SGCZ: variants seen among roughly 807,000 people sequenced by gnomAD.
SGCZ encodes the protein sarcoglycan zeta, also known as zeta-sarcoglycan.
SGCZ carries 40 observed loss-of-function variants against 41.3 expected under a neutral mutation model. The observed-to-expected ratio is 0.97, with a 90% CI of 0.75 to 1.26. SGCZ has a LOEUF of 1.26. SGCZ is among the 50% of genes most tolerant of loss of function. The probability of loss-of-function intolerance (pLI) is 0.00; values close to 1 mark genes in which losing one functional copy is unlikely to be tolerated. For synonymous variants in SGCZ, 206 were observed against 137.5 expected, an observed-to-expected ratio of 1.50 and a Z score of -3.49; for missense variants, 552 against 369.8, an observed-to-expected ratio of 1.49 and a Z score of -4.04.
At chr8:14,969,393 G>C (rs568811902) in intron 1 of SGCZ, among the ~76,000 whole-genome samples, 1 of 151,986 alleles carries the variant, frequency 6.6e-6, no homozygotes. Context: ...TAAACAAACA[G>C]CACATATTTA....
At position 14,088,874 on chromosome 8, in the gene SGCZ, G is replaced by A. The variant is rs1801604571; in HGVS notation, c.*1569C>T. Among the ~76,000 whole-genome samples the A allele has an allele frequency of 6.6e-6, 1 of 151,874 alleles. No homozygotes were observed. Among genetic ancestry groups the A allele is most frequent in the Non-Finnish European group, 1.5e-5 (1 of 67,918 alleles). ...CTAATCTCCCAGTTCACTCTGAGCT[G>A]TAGACACCTGAACTCCAAAGACTCT... On this transcript the variant is annotated 3_prime_UTR_variant, in exon 8 of 8. Coordinates refer to ENST00000382080, the MANE Select transcript of SGCZ (RefSeq NM_139167.4).
intron 1 of SGCZ, among the ~76,000 whole-genome samples, chr8:14,886,075 A>T (rs74551863): frequency 0.21 from 29,303 of 138,774 alleles, 3,927 homozygotes; most frequent in East Asian, 0.42. Flanking sequence ...GTAATAGCAC[A>T]TTAATTTCTG....
intron 1 of SGCZ, among the ~76,000 whole-genome samples, chr8:14,918,339 A>T (rs538897700): frequency 6.6e-6 from 1 of 151,078 alleles, no homozygotes; most frequent in Non-Finnish European, 1.5e-5. Context: ...ATTTAAGAAC[A>T]TTTTCTTCTT....
chr8:14,192,065 C>A (rs1256151096), intron 4 of SGCZ, among the ~76,000 whole-genome samples: 1 of 152,002 alleles, frequency 6.6e-6, no homozygotes, highest in Non-Finnish European at 1.5e-5. Flanking sequence ...AGAAAAATGT[C>A]ATTTAATCAA....
intron 2 of SGCZ, among the ~76,000 whole-genome samples, chr8:14,552,353 C>T (rs1288437408): frequency 6.6e-6 from 1 of 152,004 alleles, no homozygotes; most frequent in Non-Finnish European, 1.5e-5. Context: ...GAGTGTGTTA[C>T]CTTACAAAGA....
intron 2 of SGCZ, among the ~76,000 whole-genome samples, chr8:14,468,580 T>C (rs1585556030): frequency 6.6e-6 from 1 of 152,086 alleles, no homozygotes; most frequent in East Asian, 1.9e-4. Flanking sequence ...GTGCAGCAAA[T>C]AATTGACTTA....
At chr8:14,846,123 A>C (rs1428066295) in intron 1 of SGCZ, among the ~76,000 whole-genome samples, 1 of 152,180 alleles carries the variant, frequency 6.6e-6, no homozygotes, top group East Asian at 1.9e-4. Flanking sequence ...TTTATTGAAC[A>C]AAAATACAGT....
intron 3 of SGCZ, among the ~76,000 whole-genome samples, chr8:14,297,736 T>G (rs1391781276): frequency 6.6e-6 from 1 of 152,086 alleles, no homozygotes; most frequent in Non-Finnish European, 1.5e-5. Context: ...CTGATCCATT[T>G]AAACGGCTAT....
At chr8:14,303,049 C>T (rs1801247184) in intron 3 of SGCZ, among the ~76,000 whole-genome samples, 1 of 152,136 alleles carries the variant, frequency 6.6e-6, no homozygotes, top group Non-Finnish European at 1.5e-5. Context: ...TCTTACAAGA[C>T]CCAGGTCTAA....
intron 1 of SGCZ, among the ~76,000 whole-genome samples, chr8:14,793,913 C>A (rs1801040095): frequency 6.6e-6 from 1 of 152,090 alleles, no homozygotes; most frequent in Admixed American, 6.5e-5. Flanking sequence ...ATGCAAAATT[C>A]TAAAACTCTC....
At chr8:14,687,742 T>C (rs28883059) in intron 1 of SGCZ, among the ~76,000 whole-genome samples, 4,670 of 151,698 alleles carry the variant, frequency 0.031, 201 homozygotes, top group African/African-American at 0.093. Context: ...ATGGTATTTC[T>C]AGTTCTAGAT....
intron 2 of SGCZ, among the ~76,000 whole-genome samples, chr8:14,490,885 T>C (rs956381601): frequency 5.3e-5 from 8 of 152,324 alleles, no homozygotes; most frequent in African/African-American, 1.7e-4. Context: ...AGCTCATATA[T>C]TGCTGTTTCA....
rs561024112 is a variant in SGCZ at position 14,723,781 on chromosome 8, T to C, written c.40-168855A>G. On this transcript the variant is annotated intron_variant, in intron 1 of 7. Coordinates refer to ENST00000382080, the MANE Select transcript of SGCZ (RefSeq NM_139167.4). ...ATACATTTATATGAGTTTTATGTTA[T>C]CTACGTATTACATACTATATGTATA... 8.3e-4 allele frequency among the ~76,000 whole-genome samples: 126 copies of C among 152,238 alleles called. 1 individual carries two copies. The highest frequency in any genetic ancestry group is 1.6e-3 in the Non-Finnish European group (112 of 68,022).
intron 1 of SGCZ, among the ~76,000 whole-genome samples, chr8:14,771,476 G>C (rs980707519): frequency 1.3e-5 from 2 of 151,984 alleles, no homozygotes; most frequent in African/African-American, 4.8e-5. Context: ...TGTTTTACTT[G>C]AATTACCATA....
intron 5 of SGCZ, among the ~76,000 whole-genome samples, chr8:14,125,435 C>G (rs1334805189): frequency 6.7e-6 from 1 of 149,580 alleles, no homozygotes. Flanking sequence ...ACCAGGGAGG[C>G]AGAGCTCGCA....
intron 2 of SGCZ, among the ~76,000 whole-genome samples, chr8:14,381,220 G>A (rs537461354): frequency 9.8e-5 from 15 of 152,302 alleles, no homozygotes; most frequent in African/African-American, 3.6e-4. Context: ...TTTGGCCAGA[G>A]GCCATTACAA....
intron 3 of SGCZ, among the ~76,000 whole-genome samples, chr8:14,240,010 A>G (rs967453665): frequency 6.6e-6 from 1 of 151,924 alleles, no homozygotes; most frequent in African/African-American, 2.4e-5. Flanking sequence ...TACTTAATTT[A>G]AAAGAGAAAT....
chr8:14,230,126 A>G (rs1806509109), intron 4 of SGCZ, among the ~76,000 whole-genome samples: 1 of 152,100 alleles, frequency 6.6e-6, no homozygotes, highest in Non-Finnish European at 1.5e-5. Flanking sequence ...AGGATAATTG[A>G]ATATTGAGGA....
chr8:14,796,170 A>G (rs1036766532), intron 1 of SGCZ, among the ~76,000 whole-genome samples: 1 of 152,208 alleles, frequency 6.6e-6, no homozygotes, highest in South Asian at 2.1e-4. Flanking sequence ...AAGGGTTTAT[A>G]TTCATTTGGG....
Sources: gnomAD v4.1 joint callset for allele counts (sites outside exome capture counted in the v4.1 genomes callset) on GRCh38, gnomAD v4.1.1 for gene constraint, MANE v1.5 for transcripts, NCBI Gene and HGNC (gene_info 2026-07-23, HGNC 2026-07-21) for gene names.